The following DMD variants were observed in gnomAD, a reference collection of about 807,000 sequenced individuals.
The protein encoded by DMD is mutant dystrophin.
A neutral mutation model predicts 330.1 loss-of-function variants in DMD; 63 were observed. The ratio of observed to expected loss-of-function variants is 0.19; its 90% CI spans 0.16 to 0.24. DMD has a LOEUF of 0.24. Ranked by LOEUF, DMD falls within the 10% of genes least tolerant of loss-of-function variation. The pLI is 1.00. For synonymous variants in DMD, 1,223 were observed against 959.8 expected (o/e 1.27, Z -5.07); for missense variants, 3,344 against 2,684.1 (o/e 1.25, Z -5.43).
At chrX:31,798,545 A>T (rs2091928739) in intron 50 of DMD, among the ~76,000 whole-genome samples, 1 of 108,523 alleles carries the variant, frequency 9.2e-6, no homozygotes, top group Non-Finnish European at 1.9e-5. Flanking sequence ...AATGGAATGA[A>T]GTAAAAAAAA....
chrX:33,206,743 T>C (rs1241230625), intron 1 of DMD, among the ~76,000 whole-genome samples: 1 of 111,461 alleles, frequency 9.0e-6, no homozygotes, highest in Non-Finnish European at 1.9e-5. Flanking sequence ...TGAATAGAAA[T>C]TATCCCTTAA....
At chrX:32,223,420 G>C (rs1035709437) in intron 43 of DMD, among the ~76,000 whole-genome samples, 1 of 111,959 alleles carries the variant, frequency 8.9e-6, no homozygotes, top group Non-Finnish European at 1.9e-5. Flanking sequence ...AATTTGGAAA[G>C]AGACACATTC....
At chrX:32,890,615 G>T (rs76558433) in intron 2 of DMD, among the ~76,000 whole-genome samples, 5 of 111,135 alleles carry the variant, frequency 4.5e-5, no homozygotes, top group Non-Finnish European at 9.4e-5. Flanking sequence ...CAAACAAAAA[G>T]TACCAGCACC....
intron 27 of DMD, among the ~76,000 whole-genome samples, chrX:32,447,518 T>C (rs941487271): frequency 3.6e-5 from 4 of 111,561 alleles, no homozygotes; most frequent in African/African-American, 1.3e-4. Context: ...TACAAATACA[T>C]TTTAAAATAT....
Position 31,348,480 on chromosome X carries a change from C to A in DMD, c.9163+76G>T. 3.4e-6 allele frequency: 3 copies of A among 888,788 alleles called. No homozygotes were observed. In the South Asian group the frequency reaches 6.3e-5, roughly 19 times the overall value. The allele number at this position is 888,788 out of a possible 1,213,427, so 73.2% of individuals were successfully genotyped here. On this transcript the variant is annotated intron_variant, in intron 61 of 78. Transcript: ENST00000357033. ...GATTACTATAATTCAACTCTTAATTCTTTTGTTTTTTCAACTGTTATTCTT... is the reference window on the plus strand; with the variant it reads ...GATTACTATAATTCAACTCTTAATTATTTTGTTTTTTCAACTGTTATTCTT...
intron 41 of DMD, among the ~76,000 whole-genome samples, chrX:32,339,662 G>T (rs988911639): frequency 5.4e-5 from 6 of 111,470 alleles, no homozygotes; most frequent in Non-Finnish European, 1.1e-4. Context: ...TTTTACAGTG[G>T]TTAGCACTTC....
intron 34 of DMD, among the ~76,000 whole-genome samples, chrX:32,369,088 A>G (rs1275016361): frequency 9.0e-6 from 1 of 111,427 alleles, no homozygotes; most frequent in Non-Finnish European, 1.9e-5. Flanking sequence ...TATCTGACAT[A>G]AGTAAAATCC....
At position 32,331,568 on chromosome X, in the gene DMD, ATATTAC is replaced by A. The variant is rs768215419; in HGVS notation, c.5922+10526_5922+10531del. ...ACTTGATAGAAAAATTTGACACAGTATATTACTATGTTTTTTCTTATGTTTATTAAT... is the reference window on the plus strand; with the variant it reads ...ACTTGATAGAAAAATTTGACACAGTATATGTTTTTTCTTATGTTTATTAAT... On this transcript the variant is annotated intron_variant, in intron 41 of 78. Transcript: ENST00000357033. Among the ~76,000 whole-genome samples the A allele has an allele frequency of 3.6e-5, 4 of 111,163 alleles. No homozygotes were observed. The East Asian group carries it at 8.5e-4, about 24-fold the overall frequency.
At chrX:32,242,961 GAAGGA>G (rs1460753205) in intron 43 of DMD, among the ~76,000 whole-genome samples, 1 of 77,524 alleles carries the variant, frequency 1.3e-5, no homozygotes, top group Non-Finnish European at 2.5e-5. Flanking sequence ...AAAAGGAACA[GAAGGA>G]AAGGAAAGGA....
chrX:33,158,438 G>A, intron 1 of DMD, among the ~76,000 whole-genome samples: 1 of 110,620 alleles, frequency 9.0e-6, no homozygotes, highest in Non-Finnish European at 1.9e-5. Context: ...TTGTCTATTC[G>A]GTCCCCTCAG....
At chrX:32,155,501 C>A in intron 44 of DMD, 1 of 676,175 alleles carries the variant, frequency 1.5e-6, no homozygotes, top group Non-Finnish European at 1.8e-6. Flanking sequence ...TGCTGAATGG[C>A]ACATCAGCCA....
intron 1 of DMD, among the ~76,000 whole-genome samples, chrX:33,163,487 G>C (rs2048873603): frequency 9.2e-6 from 1 of 108,245 alleles, no homozygotes; most frequent in Admixed American, 1.0e-4. Flanking sequence ...AGTGAGCCAA[G>C]ATCGTGCCAC....
intron 69 of DMD, among the ~76,000 whole-genome samples, chrX:31,179,165 T>C (rs756546567): frequency 7.8e-4 from 88 of 112,864 alleles, no homozygotes; most frequent in African/African-American, 2.4e-3. Context: ...CTTTATGGTA[T>C]TTTAAAAACT....
chrX:32,145,832 T>C (rs1156773763), intron 44 of DMD, among the ~76,000 whole-genome samples: 3 of 112,069 alleles, frequency 2.7e-5, no homozygotes, highest in Non-Finnish European at 5.6e-5. Context: ...AATTTAATAC[T>C]AGTATCAAAG....
In DMD at chrX:32,278,976, AAT is replaced by A. The variant is rs199975896; in HGVS notation, c.6290+8551_6290+8552del. Among the ~76,000 whole-genome samples, 19 of 112,212 alleles carry A rather than the reference AAT, an allele frequency of 1.7e-4. No homozygotes were observed. The East Asian group carries it at 4.8e-3, about 28-fold the overall frequency. On this transcript the variant is annotated intron_variant, in intron 43 of 78. Transcript: ENST00000357033. ...AAAACAACTCTATAGGAAAAAGTCT[AAT>A]AATTAGATCAGAAAATAGACAAAAG... is the stretch of plus-strand genomic sequence containing the variant.
chrX:31,292,618 C>T (rs1174354871), intron 62 of DMD, among the ~76,000 whole-genome samples: 1 of 111,771 alleles, frequency 8.9e-6, no homozygotes, highest in Non-Finnish European at 1.9e-5. Flanking sequence ...ATATACCAAA[C>T]ACAGTTGTAC....
intron 48 of DMD, among the ~76,000 whole-genome samples, chrX:31,863,071 A>C (rs778795354): frequency 1.2e-4 from 14 of 112,555 alleles, no homozygotes; most frequent in Non-Finnish European, 5.6e-5. Flanking sequence ...CGGCCGGGTG[A>C]GGTGGCTCAC....
chrX:32,945,589 T>A (rs1208404030), intron 2 of DMD, among the ~76,000 whole-genome samples: 3 of 111,575 alleles, frequency 2.7e-5, no homozygotes, highest in African/African-American at 9.7e-5. Context: ...TATTTCTAAT[T>A]TTAATGAGGA....
intron 21 of DMD, among the ~76,000 whole-genome samples, chrX:32,474,580 T>C (rs2041029166): frequency 8.9e-6 from 1 of 112,082 alleles, no homozygotes; most frequent in Admixed American, 9.4e-5. Context: ...TGGTATCACA[T>C]GGTGGTTTTG....
Sources: allele counts gnomAD v4.1 joint callset (sites outside exome capture counted in the v4.1 genomes callset), GRCh38; gene constraint gnomAD v4.1.1; transcripts MANE v1.5; gene names NCBI Gene and HGNC (gene_info 2026-07-23, HGNC 2026-07-21).